The following THBS4 variants were observed in gnomAD, a reference collection of about 807,000 sequenced individuals.
THBS4 encodes the protein thrombospondin-4.
Under a neutral mutation model 115.7 loss-of-function variants are expected in THBS4, and 90 were observed. The observed-to-expected ratio is 0.78, with a 90% confidence interval of 0.66 to 0.93. The LOEUF (loss-of-function observed/expected upper bound fraction) is 0.93, where lower values mean the gene tolerates loss of function less well. Ranked by LOEUF, THBS4 falls within the 40% of genes least tolerant of loss-of-function variation. The pLI, the probability that THBS4 is intolerant of heterozygous loss-of-function variation, is 0.00. For missense variants in THBS4, 1,087 were observed against 1,232.7 expected (o/e 0.88, Z 1.77); for synonymous variants, 460 against 479.3 (o/e 0.96, Z 0.53).
At chr5:80,049,580 T>C (rs1833187461) in intron 2 of THBS4, among the ~76,000 whole-genome samples, 1 of 152,174 alleles carries the variant, frequency 6.6e-6, no homozygotes, top group Non-Finnish European at 1.5e-5. Context: ...AAAGACATAA[T>C]TGTGAGTAAT....
In THBS4 at chr5:80,070,976, G is replaced by A. The variant is rs759305481; in HGVS notation, c.1561-45G>A. 4 of 1,604,362 alleles carry A rather than the reference G, an allele frequency of 2.5e-6. No individual in the cohort carries two copies. In the African/African-American group the frequency reaches 4.0e-5, roughly 16 times the overall value. On this transcript the variant is annotated intron_variant, in intron 12 of 21. Coordinates refer to ENST00000350881, the MANE Select transcript of THBS4 (RefSeq NM_003248.6). ...ATGCTTCACAACAATGGAGGAAGTG[G>A]ATTTAGTAAAAGTCTGAGTGATGTT... is the stretch of plus-strand genomic sequence containing the variant.
chr5:80,077,956 C>A, intron 16 of THBS4, 93 bp from the exon 17 acceptor site: 1 of 1,104,526 alleles, frequency 9.1e-7, no homozygotes. Flanking sequence ...GGAGCTTGAG[C>A]CCTTCTGTTC....
At chr5:80,055,354 T>C (rs1379222822) in intron 2 of THBS4, among the ~76,000 whole-genome samples, 1 of 151,830 alleles carries the variant, frequency 6.6e-6, no homozygotes, top group Non-Finnish European at 1.5e-5. Context: ...AATCAAGTAT[T>C]TAAAGCACCT....
intron 2 of THBS4, among the ~76,000 whole-genome samples, chr5:80,021,640 A>G (rs1483967268): frequency 1.3e-5 from 2 of 151,950 alleles, no homozygotes; most frequent in Non-Finnish European, 2.9e-5. Context: ...TACATGCGCC[A>G]CTACATCCAG....
intron 2 of THBS4, among the ~76,000 whole-genome samples, chr5:80,024,652 A>G (rs1371800036): frequency 6.6e-6 from 1 of 152,204 alleles, no homozygotes; most frequent in Non-Finnish European, 1.5e-5. Flanking sequence ...GAGCTATATC[A>G]TGATGTAGCA....
intron 2 of THBS4, among the ~76,000 whole-genome samples, chr5:80,003,302 T>G (rs968497839): frequency 1.3e-5 from 2 of 152,048 alleles, no homozygotes; most frequent in Admixed American, 6.6e-5. Context: ...TCGGGCAATA[T>G]TTAGGGAAAT....
In THBS4 at chr5:80,065,564, C is replaced by T. The variant is rs1329334275; in HGVS notation, c.1194+87C>T. The stretch of plus-strand genomic sequence containing the variant: ...TTATAGATCATAGCTTCCAAACACA[C>T]CTAGAACATGTGGGCATAATATATT... On this transcript the variant is annotated intron_variant, in intron 9 of 21. Transcript: ENST00000350881. 2.1e-5 allele frequency: 26 copies of T among 1,243,738 alleles called. No individual in the cohort carries two copies. In the South Asian group the frequency reaches 2.5e-4, roughly 12 times the overall value. The allele number at this position is 1,243,738 out of a possible 1,614,324, so 77.0% of individuals were successfully genotyped here.
rs746452308 is a variant in THBS4 at position 80,079,154 on chromosome 5, C to G, written c.2407C>G (p.Gln803Glu). The change falls in exon 19 of 22, where the codon CAA becomes GAA. Residue 803 changes from glutamine (Q) to glutamate (E), a missense_variant. Coordinates refer to ENST00000350881, the MANE Select transcript of THBS4 (RefSeq NM_003248.6). ...DDYAGFIFGYQDSSSFYVVMW... is the reference protein window; with the variant it reads ...DDYAGFIFGYEDSSSFYVVMW... ...CTATGCAGGCTTTATCTTTGGCTAC[C>G]AAGATAGCTCCAGCTTCTACGTGGT... 6.2e-7 allele frequency: 1 copy of G among 1,614,174 alleles called. No individual in the cohort carries two copies. Among genetic ancestry groups the G allele is most frequent in the Non-Finnish European group, 8.5e-7 (1 of 1,180,034 alleles).
intron 2 of THBS4, among the ~76,000 whole-genome samples, chr5:80,026,989 C>A (rs1400149042): frequency 6.6e-6 from 1 of 152,190 alleles, no homozygotes; most frequent in East Asian, 1.9e-4. Context: ...GAGAATAAAA[C>A]TATTTGCCAA....
chr5:80,070,614 G>A (rs1430393764), intron 11 of THBS4, 29 bp from the exon 12 acceptor site: 1 of 1,595,652 alleles, frequency 6.3e-7, no homozygotes, highest in Non-Finnish European at 8.6e-7. Context: ...AATGTAGGAT[G>A]TCACTCGGAA....
intron 2 of THBS4, among the ~76,000 whole-genome samples, chr5:80,019,228 G>A (rs1832312238): frequency 6.6e-6 from 1 of 152,050 alleles, no homozygotes; most frequent in Admixed American, 6.6e-5. Flanking sequence ...CTATAGGACA[G>A]AATCTAGGAC....
At chr5:80,018,679 G>T (rs1832300875) in intron 2 of THBS4, among the ~76,000 whole-genome samples, 1 of 152,094 alleles carries the variant, frequency 6.6e-6, no homozygotes, top group Non-Finnish European at 1.5e-5. Flanking sequence ...ACAGGTGTGA[G>T]CCACCGTGCC....
intron 2 of THBS4, among the ~76,000 whole-genome samples, chr5:80,045,429 T>C (rs2112048876): frequency 6.6e-6 from 1 of 151,914 alleles, no homozygotes; most frequent in South Asian, 2.1e-4. Flanking sequence ...AAGAGAAATA[T>C]AGATTAAGAG....
intron 3 of THBS4, among the ~76,000 whole-genome samples, 175 bp downstream of exon 3, chr5:80,056,207 A>G (rs189253377): frequency 6.6e-6 from 1 of 152,328 alleles, no homozygotes; most frequent in Admixed American, 6.5e-5. Flanking sequence ...CCCTAGGACA[A>G]ACTGAATCCG....
intron 2 of THBS4, among the ~76,000 whole-genome samples, chr5:80,011,578 C>T (rs1257874908): frequency 6.6e-6 from 1 of 152,130 alleles, no homozygotes; most frequent in African/African-American, 2.4e-5. Context: ...CCACCAAACA[C>T]AGAAGCAGAA....
Position 80,071,087 on chromosome 5 carries a change from T to C in THBS4, c.1627T>C (p.Cys543Arg), listed in dbSNP as rs1450041295. Residue 543 changes from cysteine to arginine, a missense_variant, in exon 13 of 22, where the codon TGT (cysteine) becomes CGT (arginine). By Grantham distance (180) the Cys-to-Arg change is radical (BLOSUM62 -3). Coordinates refer to ENST00000350881, the MANE Select transcript of THBS4 (RefSeq NM_003248.6). ...CGATAAAGATATCTTTGGGGATGCC[T>C]GTGATAACTGCCTGAGTGTCTTAAA... ...NSDKDIFGDA[C>R]DNCLSVLNND... The C allele has an allele frequency of 2.5e-6, 4 of 1,613,026 alleles. No homozygotes were observed. Among genetic ancestry groups the C allele is most frequent in the Non-Finnish European group, 3.4e-6 (4 of 1,179,770 alleles).
At chr5:80,018,945 C>A (rs1339224743) in intron 2 of THBS4, among the ~76,000 whole-genome samples, 1 of 151,284 alleles carries the variant, frequency 6.6e-6, no homozygotes, top group Non-Finnish European at 1.5e-5. Context: ...ATGTTATCTG[C>A]AGGATTTTTT....
At chr5:80,003,505 C>T (rs1318469710) in intron 2 of THBS4, among the ~76,000 whole-genome samples, 1 of 152,176 alleles carries the variant, frequency 6.6e-6, no homozygotes, top group Non-Finnish European at 1.5e-5. Context: ...CTGTTTCTCA[C>T]CAAATGGTTC....
At chr5:80,073,350 A>T (rs1382983782) in intron 15 of THBS4, 23 bp downstream of exon 15, 4 of 1,608,914 alleles carry the variant, frequency 2.5e-6, no homozygotes. Context: ...TCCCAACTGC[A>T]GAGAGACAGA....
Sources: allele counts gnomAD v4.1 joint callset (sites outside exome capture counted in the v4.1 genomes callset), GRCh38; gene constraint gnomAD v4.1.1; transcripts MANE v1.5; gene names NCBI Gene and HGNC (gene_info 2026-07-23, HGNC 2026-07-21).